TPTE2: variants seen among roughly 807,000 people sequenced by gnomAD.
The protein encoded by TPTE2 is phosphatidylinositol 3,4,5-trisphosphate 3-phosphatase TPTE2.
In TPTE2, 53 loss-of-function variants were observed where a neutral mutation model predicts 78.6. The observed-to-expected ratio is 0.67, with a 90% CI of 0.54 to 0.85. The LOEUF (loss-of-function observed/expected upper bound fraction) is 0.85, where lower values mean the gene tolerates loss of function less well. Ranked by LOEUF, TPTE2 falls within the 40% of genes least tolerant of loss-of-function variation. TPTE2 has a pLI of 0.00. For missense variants in TPTE2, 461 were observed against 623.0 expected (o/e 0.74, Z 2.77); for synonymous variants, 175 against 206.2 (o/e 0.85, Z 1.30).
chr13:19,552,208 C>CTCCAAAAT, the TPTE2 span, among the ~76,000 whole-genome samples: 1 of 152,144 alleles, frequency 6.6e-6, no homozygotes, highest in African/African-American at 2.4e-5. Context: ...TTGTAATGTT[C>CTCCAAAAT]TCCAAAATTG....
chr13:19,425,318 A>G (rs770645662), intron 18 of TPTE2, among the ~76,000 whole-genome samples: 1 of 152,234 alleles, frequency 6.6e-6, no homozygotes, highest in East Asian at 1.9e-4. Flanking sequence ...AACAGATGCT[A>G]CTAAGGACCT....
intron 1 of TPTE2, among the ~76,000 whole-genome samples, chr13:19,530,067 A>G (rs1239668063): frequency 2.0e-5 from 3 of 152,196 alleles, no homozygotes; most frequent in African/African-American, 7.2e-5. Flanking sequence ...GAAGAAATTC[A>G]TATTCCTTTT....
intron 13 of TPTE2, among the ~76,000 whole-genome samples, chr13:19,447,699 T>A (rs115256741): frequency 0.02 from 3,119 of 152,270 alleles, 110 homozygotes; most frequent in African/African-American, 0.071. Flanking sequence ...TAGAGCCCAC[T>A]AAAAATGTAA....
the TPTE2 span, among the ~76,000 whole-genome samples, chr13:19,544,447 T>C: frequency 1.3e-5 from 2 of 151,784 alleles, no homozygotes; most frequent in East Asian, 3.9e-4. Context: ...CTGGCACATA[T>C]AACGCAAAGG....
chr13:19,486,850 G>A lies in TPTE2; in HGVS notation c.120-4303C>T, dbSNP rs546285568. Among the ~76,000 whole-genome samples, 1 of 152,120 alleles carries A rather than the reference G, an allele frequency of 6.6e-6. No individual in the cohort carries two copies. The highest frequency in any genetic ancestry group is 1.5e-5 in the Non-Finnish European group (1 of 68,020). ...TAGAGCTATTCTAGCTCAGGATGTG[G>A]GCACACTGCTGCTCAGCTGGCCTGG... is the stretch of plus-strand genomic sequence containing the variant. On this transcript the variant is annotated intron_variant, in intron 3 of 19. Coordinates refer to ENST00000400230, the Ensembl canonical transcript of TPTE2. The surrounding 1 kb of genome is among the most constrained non-coding windows in gnomAD (Gnocchi z 4.3).
At chr13:19,462,511 C>G (rs1411876140) in intron 10 of TPTE2, among the ~76,000 whole-genome samples, 1 of 147,078 alleles carries the variant, frequency 6.8e-6, no homozygotes, top group East Asian at 2.0e-4. Flanking sequence ...TGACTTGATG[C>G]TTTTTTCTTG....
intron 13 of TPTE2, among the ~76,000 whole-genome samples, chr13:19,445,005 G>T (rs1035896602): frequency 5.9e-5 from 9 of 152,124 alleles, no homozygotes; most frequent in African/African-American, 2.2e-4. Context: ...CCTTCTCGAA[G>T]AAAATATAGT....
At chr13:19,519,382 C>T (rs1870009876) in intron 1 of TPTE2, among the ~76,000 whole-genome samples, 1 of 152,146 alleles carries the variant, frequency 6.6e-6, no homozygotes, top group East Asian at 1.9e-4. Context: ...AAAATGTACA[C>T]CTATGTTTTT....
chr13:19,473,795 C>T (rs1188469617), intron 6 of TPTE2, 119 bp downstream of exon 9: 9 of 865,624 alleles, frequency 1.0e-5, no homozygotes, highest in African/African-American at 1.9e-5. Context: ...GGGGTTTCAC[C>T]ATGTTGGCCA....
chr13:19,487,948 T>G (rs573366219), intron 3 of TPTE2, among the ~76,000 whole-genome samples: 1 of 152,314 alleles, frequency 6.6e-6, no homozygotes, highest in African/African-American at 2.4e-5. Context: ...TTTGTGTTTG[T>G]GATGGCAGTG....
chr13:19,493,899 A>G (rs1160301710), intron 1 of TPTE2, among the ~76,000 whole-genome samples: 1 of 152,106 alleles, frequency 6.6e-6, no homozygotes, highest in Non-Finnish European at 1.5e-5. Context: ...GTGGTTTCTC[A>G]TGCCCCACAA....
At chr13:19,560,926 C>T in the TPTE2 span, 1 of 1,596,968 alleles carries the variant, frequency 6.3e-7, no homozygotes. Context: ...AGCTGTACTC[C>T]ATACTCCCCT....
chr13:19,466,618 C>T (rs1485949583), intron 7 of TPTE2, among the ~76,000 whole-genome samples: 1 of 152,192 alleles, frequency 6.6e-6, no homozygotes, highest in Non-Finnish European at 1.5e-5. Context: ...TTTGTTTCTA[C>T]CACAACTATA....
At chr13:19,442,103 T>C (rs1016427996) in intron 13 of TPTE2, among the ~76,000 whole-genome samples, 6 of 152,042 alleles carry the variant, frequency 3.9e-5, no homozygotes, top group African/African-American at 1.2e-4. Flanking sequence ...TAGAACACTG[T>C]TCTCAACAAT....
intron 17 of TPTE2, among the ~76,000 whole-genome samples, chr13:19,427,340 C>A (rs1876206442): frequency 6.6e-6 from 1 of 151,766 alleles, no homozygotes; most frequent in South Asian, 2.1e-4. Flanking sequence ...ACCCTGGCCT[C>A]CCGAAGTGCT....
chr13:19,513,465 C>G (rs1490989578), intron 1 of TPTE2, among the ~76,000 whole-genome samples: 1 of 152,180 alleles, frequency 6.6e-6, no homozygotes, highest in African/African-American at 2.4e-5. Flanking sequence ...TATGTCATCA[C>G]CTTTCATTGT....
chr13:19,457,440 G>T (rs1293872885), intron 10 of TPTE2, among the ~76,000 whole-genome samples: 7 of 152,288 alleles, frequency 4.6e-5, no homozygotes, highest in African/African-American at 1.7e-4. Flanking sequence ...TGTGTGCCAT[G>T]GTGGTTTGCT....
At position 19,514,434 on chromosome 13, in the gene TPTE2, A is replaced by G. The variant is rs565236583; in HGVS notation, c.-43-11157T>C. ...CTGTTAGTGAATCCATAACTCTACC[A>G]AAGAGTAAAAAGCCCATACAAAAAA... On this transcript the variant is annotated intron_variant, in intron 1 of 17. Coordinates refer to the TPTE2 transcript ENST00000390680. 2.6e-5 allele frequency among the ~76,000 whole-genome samples: 4 copies of G among 152,342 alleles called. No individual in the cohort carries two copies. In the South Asian group the frequency reaches 6.2e-4, roughly 24 times the overall value.
At chr13:19,440,701 C>T (rs1877430970) in intron 13 of TPTE2, among the ~76,000 whole-genome samples, 2 of 152,022 alleles carry the variant, frequency 1.3e-5, no homozygotes, top group African/African-American at 2.4e-5. Flanking sequence ...ACCCAGGAGT[C>T]GGAGGTTGCA....
Sources: allele counts gnomAD v4.1 joint callset (sites outside exome capture counted in the v4.1 genomes callset), GRCh38; gene constraint gnomAD v4.1.1; non-coding constraint Gnocchi (gnomAD v3.1); transcripts MANE v1.5; gene names NCBI Gene and HGNC (gene_info 2026-07-23, HGNC 2026-07-21).